Variants in TRAP1 observed in about 807,000 individuals in gnomAD.
TRAP1 encodes the protein TNF receptor associated protein 1.
A neutral mutation model predicts 89.1 loss-of-function variants in TRAP1; 102 were observed. The observed-to-expected ratio is 1.15, with a 90% CI of 0.98 to 1.35. The LOEUF (loss-of-function observed/expected upper bound fraction) is 1.35, where lower values mean the gene tolerates loss of function less well. Among genes scored for constraint, TRAP1 ranks in the 40% most tolerant of loss-of-function variants. TRAP1 has a pLI of 0.00. For missense variants in TRAP1, 1,256 were observed against 945.3 expected (o/e 1.33, Z -4.31); for synonymous variants, 508 against 388.0 (o/e 1.31, Z -3.64).
chr16:3,670,823 C>T (rs1163982832), intron 11 of TRAP1, among the ~76,000 whole-genome samples: 4 of 152,132 alleles, frequency 2.6e-5, no homozygotes, highest in African/African-American at 2.4e-5. Context: ...CCTCGCAGGG[C>T]TGGGCATGGA....
chr16:3,672,919 C>T (rs936259261), intron 9 of TRAP1, 99 bp from the exon 10 acceptor site: 5 of 1,445,414 alleles, frequency 3.5e-6, no homozygotes, highest in Non-Finnish European at 4.6e-6. Context: ...AGAGCCCACT[C>T]CCGCCTCGCC....
intron 1 of TRAP1, among the ~76,000 whole-genome samples, chr16:3,692,595 C>CTTTTT (rs202237111): frequency 1.9e-5 from 2 of 105,194 alleles, no homozygotes; most frequent in African/African-American, 3.9e-5. Flanking sequence ...AAAAACTTGC[C>CTTTTT]TTTTTTTTTT....
At chr16:3,674,086 C>T (rs1273925817) in intron 9 of TRAP1, among the ~76,000 whole-genome samples, 1 of 152,136 alleles carries the variant, frequency 6.6e-6, no homozygotes, top group Non-Finnish European at 1.5e-5. Context: ...GGCATCTGTT[C>T]TTTTTTTCTT....
intron 5 of TRAP1, 68 bp from the exon 6 acceptor site, chr16:3,677,726 C>T: frequency 6.4e-7 from 1 of 1,552,120 alleles, no homozygotes. Context: ...AACACCGTGG[C>T]TCTTCTGCGA....
intron 1 of TRAP1, among the ~76,000 whole-genome samples, chr16:3,693,677 A>C (rs985388665): frequency 2.6e-5 from 4 of 152,206 alleles, no homozygotes; most frequent in Non-Finnish European, 4.4e-5. Flanking sequence ...ACAGCACCAC[A>C]AACTAGGCAG....
At chr16:3,696,972 C>A (rs1004417996) in intron 1 of TRAP1, among the ~76,000 whole-genome samples, 1 of 152,180 alleles carries the variant, frequency 6.6e-6, no homozygotes, top group African/African-American at 2.4e-5. Flanking sequence ...AGTGATCCCC[C>A]GGCCTCTGCC....
chr16:3,676,144 A>G lies in TRAP1; in HGVS notation c.706T>C (p.Ser236Pro), dbSNP rs369727915. The change falls in exon 7 of 18, where the codon TCT (serine) becomes CCT (proline). Residue 236 changes from serine to proline, a missense_variant and splice_region_variant. Transcript: ENST00000246957. ...GCTTCGGCGATTTCAAACACTCCAG[A>G]ACTAAGGCAGGCAAAGAAAGGAAAA... ...SLGYQWLSDGSGVFEIAEASG... is the reference protein window; with the variant it reads ...SLGYQWLSDGPGVFEIAEASG... The G allele has an allele frequency of 6.2e-7, 1 of 1,613,282 alleles. No homozygotes were observed. Among genetic ancestry groups the G allele is most frequent in the African/African-American group, 1.3e-5 (1 of 74,898 alleles).
intron 4 of TRAP1, among the ~76,000 whole-genome samples, chr16:3,685,034 A>G (rs887073192): frequency 2.6e-5 from 4 of 152,178 alleles, no homozygotes; most frequent in African/African-American, 4.8e-5. Flanking sequence ...TCTGCTAAAG[A>G]CCAAGAATCA....
At chr16:3,705,225 C>T (rs1435877318) in intron 1 of TRAP1, among the ~76,000 whole-genome samples, 5 of 152,090 alleles carry the variant, frequency 3.3e-5, no homozygotes, top group African/African-American at 7.2e-5. Context: ...CCACCACACC[C>T]GGCTAATTTT....
intron 11 of TRAP1, among the ~76,000 whole-genome samples, chr16:3,668,053 G>A (rs1021220880): frequency 1.3e-5 from 2 of 150,294 alleles, no homozygotes; most frequent in Non-Finnish European, 3.0e-5. Flanking sequence ...TCAGCCTCCC[G>A]AGTGGCTGGG....
chr16:3,709,691 G>T (rs1392155656), intron 1 of TRAP1, among the ~76,000 whole-genome samples: 1 of 151,820 alleles, frequency 6.6e-6, no homozygotes, highest in African/African-American at 2.4e-5. Flanking sequence ...CGCTCTTGTT[G>T]CCAGGCTGGA....
intron 15 of TRAP1, chr16:3,662,673 G>C (rs941155615): frequency 1.3e-5 from 9 of 692,778 alleles, no homozygotes; most frequent in Admixed American, 6.0e-5. Context: ...CTCTGGAGCA[G>C]GGCTGGGAGA....
rs149317337 is a variant in TRAP1 at position 3,658,850 on chromosome 16, C to G, written c.1956G>C (p.Lys652Asn). Residue 652 changes from lysine to asparagine, a missense_variant, in exon 17 of 18, where the codon AAG (lysine) becomes AAC (asparagine). Coordinates refer to ENST00000246957, the MANE Select transcript of TRAP1 (RefSeq NM_016292.3). Reference sequence around the variant, plus strand: ...CGCTTGCGCGCAGCTGATTCAGCTTCTTGATGAGCGCGTGCCTGCAACACA... The same window carrying G: ...CGCTTGCGCGCAGCTGATTCAGCTTGTTGATGAGCGCGTGCCTGCAACACA... The part of the protein sequence containing the change: ...LEINPRHALI[K>N]KLNQLRASEP... 2 of 1,614,092 alleles carry G rather than the reference C, an allele frequency of 1.2e-6. No individual in the cohort carries two copies. The highest frequency in any genetic ancestry group is 1.7e-6 in the Non-Finnish European group (2 of 1,180,018).
intron 2 of TRAP1, 89 bp from the exon 3 acceptor site, chr16:3,689,226 GT>G: frequency 1.5e-6 from 1 of 646,200 alleles, no homozygotes; most frequent in Non-Finnish European, 2.5e-6. Flanking sequence ...GAAAGCTTAA[GT>G]TTATGAGTTT....
chr16:3,698,379 C>T (rs2051318852), intron 1 of TRAP1, among the ~76,000 whole-genome samples: 2 of 151,306 alleles, frequency 1.3e-5, no homozygotes, highest in East Asian at 2.0e-4. Flanking sequence ...GGCGCCATCT[C>T]GGCTCACTGC....
At chr16:3,663,046 C>A in intron 14 of TRAP1, 79 bp from the exon 15 acceptor site, 1 of 1,069,828 alleles carries the variant, frequency 9.3e-7, no homozygotes, top group Non-Finnish European at 1.3e-6. Context: ...CAGCATGCTT[C>A]CAGCTCCCAC....
chr16:3,677,076 AG>A, intron 6 of TRAP1: 1 of 161,666 alleles, frequency 6.2e-6, no homozygotes, highest in Non-Finnish European at 1.3e-5. Flanking sequence ...AAAAAAAAAA[AG>A]CCCCCAGCAG....
At chr16:3,712,355 GGCCTCAGTAACA>G (rs2051544048) in intron 1 of TRAP1, among the ~76,000 whole-genome samples, 1 of 141,860 alleles carries the variant, frequency 7.0e-6, no homozygotes, top group East Asian at 2.1e-4. Flanking sequence ...AAGTATCACA[GGCCTCAGTAACA>G]GCCTCTTTCA....
At chr16:3,692,305 G>A (rs1369972407) in intron 1 of TRAP1, among the ~76,000 whole-genome samples, 2 of 152,148 alleles carry the variant, frequency 1.3e-5, no homozygotes, top group Non-Finnish European at 2.9e-5. Flanking sequence ...GGAGGCTGAG[G>A]TAGGCGGATC....
Sources: gnomAD v4.1 joint callset for allele counts (sites outside exome capture counted in the v4.1 genomes callset) on GRCh38, gnomAD v4.1.1 for gene constraint, MANE v1.5 for transcripts, NCBI Gene and HGNC (gene_info 2026-07-23, HGNC 2026-07-21) for gene names.